The following RABGAP1L variants were observed in gnomAD, a reference collection of about 807,000 sequenced individuals.
RABGAP1L encodes rab GTPase-activating protein 1-like.
In RABGAP1L, 63 loss-of-function variants were observed where a neutral mutation model predicts 137.7. The ratio of observed to expected loss-of-function variants is 0.46; its 90% confidence interval spans 0.37 to 0.56. The LOEUF is 0.56. RABGAP1L is among the 20% of genes least tolerant of loss of function. The pLI is 0.00. For synonymous variants in RABGAP1L, 431 were observed against 433.7 expected (o/e 0.99, Z 0.08); for missense variants, 1,095 against 1,244.0 (o/e 0.88, Z 1.80).
chr1:174,698,498 C>G (rs1341613515), intron 15 of RABGAP1L, among the ~76,000 whole-genome samples: 1 of 152,062 alleles, frequency 6.6e-6, no homozygotes, highest in Non-Finnish European at 1.5e-5. Context: ...CCAGCATTCC[C>G]CCTTTTGGGA....
intron 20 of RABGAP1L, among the ~76,000 whole-genome samples, chr1:174,960,937 T>C (rs1669034620): frequency 6.6e-6 from 1 of 152,200 alleles, no homozygotes; most frequent in Non-Finnish European, 1.5e-5. Context: ...TACACACACA[T>C]ATATGCACTG....
intron 13 of RABGAP1L, among the ~76,000 whole-genome samples, chr1:174,521,124 T>C (rs1180915880): frequency 2.0e-5 from 3 of 152,234 alleles, no homozygotes; most frequent in Admixed American, 2.0e-4. Flanking sequence ...TAATAAAATT[T>C]ATATTCCACA....
At chr1:174,441,893 C>A (rs1654203906) in intron 13 of RABGAP1L, among the ~76,000 whole-genome samples, 1 of 150,726 alleles carries the variant, frequency 6.6e-6, no homozygotes, top group Non-Finnish European at 1.5e-5. Context: ...GGGTCAAAGG[C>A]ACTGCTTCTG....
intron 11 of RABGAP1L, among the ~76,000 whole-genome samples, chr1:174,309,449 C>CT (rs1303303291): frequency 6.6e-6 from 1 of 151,970 alleles, no homozygotes; most frequent in Non-Finnish European, 1.5e-5. Context: ...AGAGGAAAAG[C>CT]TTTTAGCCTT....
chr1:174,411,013 A>G (rs1649863936), intron 13 of RABGAP1L, among the ~76,000 whole-genome samples: 2 of 151,858 alleles, frequency 1.3e-5, no homozygotes, highest in South Asian at 4.2e-4. Flanking sequence ...TAATTGTGGG[A>G]TTGTGTTCTT....
intron 13 of RABGAP1L, among the ~76,000 whole-genome samples, chr1:174,424,735 T>A (rs1651754469): frequency 6.6e-6 from 1 of 151,936 alleles, no homozygotes; most frequent in Non-Finnish European, 1.5e-5. Context: ...ATTCTTTTTT[T>A]CCAGAGAAAA....
intron 19 of RABGAP1L, among the ~76,000 whole-genome samples, chr1:174,816,322 T>C (rs1180466538): frequency 2.0e-5 from 3 of 151,952 alleles, no homozygotes; most frequent in South Asian, 4.2e-4. Context: ...CCAGATAATG[T>C]TCTATTTTTA....
At chr1:174,362,464 A>G (rs1052682505) in intron 11 of RABGAP1L, among the ~76,000 whole-genome samples, 2 of 152,180 alleles carry the variant, frequency 1.3e-5, no homozygotes, top group East Asian at 1.9e-4. Context: ...CTTTTTAATA[A>G]TAGCCATTCT....
At chr1:174,190,586 A>G (rs1667146005) in intron 1 of RABGAP1L, among the ~76,000 whole-genome samples, 1 of 152,238 alleles carries the variant, frequency 6.6e-6, no homozygotes, top group African/African-American at 2.4e-5. Context: ...TTGGCTTAAG[A>G]CAATGGTTGG....
At chr1:174,227,980 T>A (rs185046041) in intron 3 of RABGAP1L, among the ~76,000 whole-genome samples, 46 of 152,204 alleles carry the variant, frequency 3.0e-4, no homozygotes, top group African/African-American at 1.1e-3. Context: ...CCAAGGAACT[T>A]CCTTTAACAT....
At chr1:174,497,047 G>A (rs1383679898) in intron 13 of RABGAP1L, among the ~76,000 whole-genome samples, 1 of 152,134 alleles carries the variant, frequency 6.6e-6, no homozygotes, top group Non-Finnish European at 1.5e-5. Context: ...ACACTACTGG[G>A]GAGTATCTCT....
intron 10 of RABGAP1L, among the ~76,000 whole-genome samples, chr1:174,300,238 G>C (rs982257686): frequency 6.6e-6 from 1 of 152,274 alleles, no homozygotes; most frequent in African/African-American, 2.4e-5. Context: ...TGAAAAGCCA[G>C]GTGCTGGCTG....
chr1:174,224,729 CT>C (rs1369775939), intron 3 of RABGAP1L, among the ~76,000 whole-genome samples: 2 of 152,124 alleles, frequency 1.3e-5, no homozygotes, highest in Non-Finnish European at 2.9e-5. Flanking sequence ...AATAATTTTG[CT>C]TTCAACAGCC....
chr1:174,808,491 G>C (rs937357339), intron 18 of RABGAP1L, among the ~76,000 whole-genome samples: 1 of 152,170 alleles, frequency 6.6e-6, no homozygotes, highest in Middle Eastern at 3.4e-3. Context: ...GCAAGGTACT[G>C]CTTTTAGCCA....
chr1:174,387,325 C>A (rs12094364), intron 12 of RABGAP1L, among the ~76,000 whole-genome samples: 9,544 of 152,188 alleles, frequency 0.063, 977 homozygotes, highest in African/African-American at 0.21. Context: ...AGGATAGTTT[C>A]TACCCTCAAG....
chr1:174,241,373 C>A, intron 4 of RABGAP1L, 110 bp from the exon 5 acceptor site: 1 of 664,948 alleles, frequency 1.5e-6, no homozygotes, highest in Non-Finnish European at 2.4e-6. Context: ...CATATATTGT[C>A]ATAGTAAAAC....
At chr1:174,670,183 G>A (rs770321484) in intron 14 of RABGAP1L, among the ~76,000 whole-genome samples, 1 of 151,898 alleles carries the variant, frequency 6.6e-6, no homozygotes, top group Non-Finnish European at 1.5e-5. Flanking sequence ...TTAATATACA[G>A]ATCTTTCACT....
chr1:174,219,184 G>A lies in RABGAP1L; in HGVS notation c.27G>A (p.Lys9=), dbSNP rs1669565459. ...TGGAGGTCAGAGCTTCATTACAGAA[G>A]GTTAGTGGATCATCTGATTCTGTGG... MEVRASLQ[K]VSGSSDSVAT... Residue 9 remains lysine, a synonymous_variant, in exon 2 of 26, where the codon AAG becomes AAA. Coordinates refer to ENST00000681986, the MANE Select transcript of RABGAP1L (RefSeq NM_001366446.1). 4 of 1,604,310 alleles carry A rather than the reference G, an allele frequency of 2.5e-6. No individual in the cohort carries two copies. The highest frequency in any genetic ancestry group is 3.4e-6 in the Non-Finnish European group (4 of 1,175,020).
intron 4 of RABGAP1L, 68 bp downstream of exon 4, chr1:174,231,423 C>G (rs1157065299): frequency 3.0e-5 from 42 of 1,397,174 alleles, no homozygotes; most frequent in Non-Finnish European, 4.2e-5. Flanking sequence ...GATGTTATAG[C>G]ATCATCAGGT....
Sources: gnomAD v4.1 joint callset for allele counts (sites outside exome capture counted in the v4.1 genomes callset) on GRCh38, gnomAD v4.1.1 for gene constraint, MANE v1.5 for transcripts, NCBI Gene and HGNC (gene_info 2026-07-23, HGNC 2026-07-21) for gene names.